Variants in CTNNA3 observed in about 807,000 individuals in gnomAD.
CTNNA3 encodes the protein catenin alpha 3, also known as catenin alpha-3.
Under a neutral mutation model 95.7 loss-of-function variants are expected in CTNNA3, and 76 were observed. That is an observed-to-expected ratio of 0.79 (90% CI 0.66 to 0.96). The LOEUF (loss-of-function observed/expected upper bound fraction) is 0.96. Among genes scored for constraint, CTNNA3 ranks in the 40% least tolerant of loss-of-function variants. The pLI is 0.00. For synonymous variants in CTNNA3, 431 were observed against 374.4 expected, an observed-to-expected ratio of 1.15 and a Z score of -1.74; for missense variants, 1,191 against 1,089.8, an observed-to-expected ratio of 1.09 and a Z score of -1.31.
chr10:67,656,410 C>T (rs371285802), intron 1 of CTNNA3, among the ~76,000 whole-genome samples: 7 of 152,240 alleles, frequency 4.6e-5, no homozygotes, highest in East Asian at 1.9e-4. Flanking sequence ...TGAGATCAGA[C>T]GTATCCCTAG....
intron 7 of CTNNA3, among the ~76,000 whole-genome samples, chr10:66,781,515 C>T (rs1406048150): frequency 1.3e-5 from 2 of 152,062 alleles, no homozygotes; most frequent in African/African-American, 4.8e-5. Flanking sequence ...AGGAAGACAC[C>T]TGATGGGGCA....
intron 5 of CTNNA3, among the ~76,000 whole-genome samples, chr10:67,393,463 G>A (rs903903521): frequency 2.0e-5 from 3 of 152,090 alleles, no homozygotes; most frequent in Non-Finnish European, 4.4e-5. Context: ...ATTCTGCATG[G>A]TCAGCATACA....
chr10:67,571,149 G>T (rs1841961257), intron 3 of CTNNA3, among the ~76,000 whole-genome samples: 1 of 152,050 alleles, frequency 6.6e-6, no homozygotes, highest in African/African-American at 2.4e-5. Flanking sequence ...ATACTGATTT[G>T]TATTTATGTG....
In CTNNA3 at chr10:67,450,533, G is replaced by A. The variant is rs1020229370; in HGVS notation, c.579+71309C>T. ...TCCTTAGCAAACTAATGCAGAAATC[G>A]AAAATCAAATACCACATGTTCTCAC... On this transcript the variant is annotated intron_variant, in intron 5 of 17. Coordinates refer to ENST00000433211, the MANE Select transcript of CTNNA3 (RefSeq NM_013266.4). 7.9e-5 allele frequency among the ~76,000 whole-genome samples: 12 copies of A among 152,190 alleles called. No homozygotes were observed. The East Asian group carries it at 1.7e-3, about 22-fold the overall frequency.
At chr10:66,112,038 A>G (rs2082139469) in intron 13 of CTNNA3, among the ~76,000 whole-genome samples, 1 of 152,218 alleles carries the variant, frequency 6.6e-6, no homozygotes, top group South Asian at 2.1e-4. Context: ...AGGCTGGATC[A>G]AACACCTCCT....
chr10:67,696,915 T>C (rs750359476), upstream of CTNNA3, among the ~76,000 whole-genome samples: 2 of 152,230 alleles, frequency 1.3e-5, no homozygotes, highest in Non-Finnish European at 2.9e-5. Flanking sequence ...TTTCCGACTT[T>C]CTTCTAATAG....
At chr10:66,165,560 A>C (rs2085084931) in intron 13 of CTNNA3, among the ~76,000 whole-genome samples, 1 of 152,082 alleles carries the variant, frequency 6.6e-6, no homozygotes, top group African/African-American at 2.4e-5. Context: ...CTAAAAACCC[A>C]ATGAGTCCTA....
At chr10:66,971,813 T>C (rs1271845819) in intron 7 of CTNNA3, among the ~76,000 whole-genome samples, 4 of 152,158 alleles carry the variant, frequency 2.6e-5, no homozygotes, top group Non-Finnish European at 5.9e-5. Flanking sequence ...TCTCTACTAT[T>C]ATTATAAATT....
intron 1 of CTNNA3, among the ~76,000 whole-genome samples, chr10:67,653,761 C>A (rs1037327281): frequency 3.9e-5 from 6 of 152,212 alleles, no homozygotes; most frequent in African/African-American, 1.4e-4. Context: ...TAACCCTGGG[C>A]AAAAGCTTCC....
chr10:66,001,130 A>AT (rs2078761642), intron 15 of CTNNA3, among the ~76,000 whole-genome samples: 1 of 151,780 alleles, frequency 6.6e-6, no homozygotes, highest in Non-Finnish European at 1.5e-5. Flanking sequence ...TAAAATAAAA[A>AT]ATATATATAT....
chr10:67,038,805 T>A (rs910126656), intron 7 of CTNNA3, among the ~76,000 whole-genome samples: 1 of 152,072 alleles, frequency 6.6e-6, no homozygotes, highest in Non-Finnish European at 1.5e-5. Context: ...GTCTGATACT[T>A]AAAATCTTTA....
At chr10:67,210,255 T>C (rs1864085807) in intron 6 of CTNNA3, among the ~76,000 whole-genome samples, 1 of 152,056 alleles carries the variant, frequency 6.6e-6, no homozygotes, top group Non-Finnish European at 1.5e-5. Flanking sequence ...TGCAGTGAGC[T>C]GAGATTGTGT....
intron 11 of CTNNA3, among the ~76,000 whole-genome samples, chr10:66,480,446 T>C (rs2131899259): frequency 6.6e-6 from 1 of 152,328 alleles, no homozygotes; most frequent in African/African-American, 2.4e-5. Flanking sequence ...TTTGCTCTTT[T>C]AATTATTCAT....
At chr10:66,097,629 C>A (rs1006702269) in intron 14 of CTNNA3, among the ~76,000 whole-genome samples, 5 of 152,004 alleles carry the variant, frequency 3.3e-5, no homozygotes. Context: ...TACAGTAGTT[C>A]TATAAAAGGC....
chr10:65,989,439 A>G (rs948950152), intron 15 of CTNNA3, among the ~76,000 whole-genome samples: 2 of 152,190 alleles, frequency 1.3e-5, no homozygotes, highest in African/African-American at 4.8e-5. Context: ...AGATACCTCA[A>G]GGCAAAGGTA....
chr10:67,269,869 G>T (rs955063134), intron 5 of CTNNA3, among the ~76,000 whole-genome samples: 1 of 152,076 alleles, frequency 6.6e-6, no homozygotes. Context: ...TGCTAAAAGT[G>T]CATATCAAAC....
intron 7 of CTNNA3, among the ~76,000 whole-genome samples, chr10:66,886,622 C>A (rs906726258): frequency 6.6e-6 from 1 of 152,182 alleles, no homozygotes; most frequent in African/African-American, 2.4e-5. Flanking sequence ...GTTCTGCCAA[C>A]ATCCTCAGCC....
chr10:66,177,617 C>A (rs998833672), intron 13 of CTNNA3, among the ~76,000 whole-genome samples: 4 of 151,896 alleles, frequency 2.6e-5, no homozygotes, highest in East Asian at 1.9e-4. Flanking sequence ...AGAATTTTAC[C>A]GTTCTAATTA....
intron 10 of CTNNA3, among the ~76,000 whole-genome samples, chr10:66,578,149 G>A (rs191202033): frequency 6.6e-6 from 1 of 152,082 alleles, no homozygotes; most frequent in Admixed American, 6.6e-5. Context: ...GTATAGAAAT[G>A]CTACTGATTT....
Sources: allele counts gnomAD v4.1 joint callset (sites outside exome capture counted in the v4.1 genomes callset), GRCh38; gene constraint gnomAD v4.1.1; transcripts MANE v1.5; gene names NCBI Gene and HGNC (gene_info 2026-07-23, HGNC 2026-07-21).